The following CTNNA2 variants were observed in gnomAD, a reference collection of about 807,000 sequenced individuals.
CTNNA2 encodes catenin alpha 2.
A neutral mutation model predicts 101.0 loss-of-function variants in CTNNA2; 42 were observed. That is an observed-to-expected ratio of 0.42 (90% CI 0.32 to 0.54). The LOEUF is 0.54. Among genes scored for constraint, CTNNA2 ranks in the 20% least tolerant of loss-of-function variants. CTNNA2 has a pLI of 0.14. For missense variants in CTNNA2, 871 were observed against 1,223.1 expected (o/e 0.71, Z 4.29); for synonymous variants, 450 against 456.4 (o/e 0.99, Z 0.18).
At chr2:79,294,681 G>T (rs1467179950) in intron 2 of CTNNA2, among the ~76,000 whole-genome samples, 1 of 151,980 alleles carries the variant, frequency 6.6e-6, no homozygotes, top group East Asian at 1.9e-4. Context: ...TTTGAATTTT[G>T]CATAATATTT....
chr2:79,739,646 C>G (rs1474309073), intron 2 of CTNNA2, among the ~76,000 whole-genome samples: 4 of 152,188 alleles, frequency 2.6e-5, no homozygotes, highest in African/African-American at 9.7e-5. Flanking sequence ...CCATTTCTTA[C>G]AAGACTGCCA....
At chr2:79,617,739 A>G (rs992432092) in intron 1 of CTNNA2, among the ~76,000 whole-genome samples, 10 of 152,134 alleles carry the variant, frequency 6.6e-5, no homozygotes, top group African/African-American at 2.4e-4. Context: ...GGCTTTTCCT[A>G]TTCGTTAATG....
At chr2:79,655,954 A>G (rs1681586290) in intron 2 of CTNNA2, among the ~76,000 whole-genome samples, 1 of 152,194 alleles carries the variant, frequency 6.6e-6, no homozygotes, top group African/African-American at 2.4e-5. Context: ...TGGCTAATTC[A>G]TATTTGTTCA....
chr2:79,223,514 T>G (rs1295954816), intron 2 of CTNNA2, among the ~76,000 whole-genome samples: 1 of 152,186 alleles, frequency 6.6e-6, no homozygotes, highest in Non-Finnish European at 1.5e-5. Flanking sequence ...GACGAAGTAG[T>G]TACTGAGCAT....
At chr2:80,249,294 G>T (rs189726384) in intron 7 of CTNNA2, among the ~76,000 whole-genome samples, 2 of 152,234 alleles carry the variant, frequency 1.3e-5, no homozygotes, top group East Asian at 3.9e-4. Context: ...CGTCGCATAG[G>T]GCATTCAGGT....
At chr2:80,126,928 G>A (rs1156361057) in intron 7 of CTNNA2, among the ~76,000 whole-genome samples, 2 of 152,212 alleles carry the variant, frequency 1.3e-5, no homozygotes, top group African/African-American at 2.4e-5. Context: ...AGGAGGAGGT[G>A]TAGGAATGGG....
At chr2:80,270,445 A>G (rs905446166) in intron 7 of CTNNA2, among the ~76,000 whole-genome samples, 1 of 152,172 alleles carries the variant, frequency 6.6e-6, no homozygotes, top group African/African-American at 2.4e-5. Flanking sequence ...CAGGGAACTC[A>G]TTGTCTTAAG....
At chr2:80,399,466 C>G (rs898165434) in intron 8 of CTNNA2, among the ~76,000 whole-genome samples, 1 of 152,134 alleles carries the variant, frequency 6.6e-6, no homozygotes, top group Admixed American at 6.5e-5. Context: ...CTAGATCACA[C>G]AAAGGAGCAA....
chr2:80,449,270 GACC>G (rs1306615430), intron 9 of CTNNA2, among the ~76,000 whole-genome samples: 1 of 151,700 alleles, frequency 6.6e-6, no homozygotes, highest in African/African-American at 2.4e-5. Context: ...GACAGAGCAA[GACC>G]CTGGTCTCTA....
chr2:80,354,453 CT>C (rs1673592266), intron 7 of CTNNA2, among the ~76,000 whole-genome samples: 1 of 152,110 alleles, frequency 6.6e-6, no homozygotes, highest in Non-Finnish European at 1.5e-5. Context: ...TCCATTTTCC[CT>C]CTTGCAAACA....
At chr2:79,219,481 A>G (rs561107970) in intron 2 of CTNNA2, among the ~76,000 whole-genome samples, 3 of 152,326 alleles carry the variant, frequency 2.0e-5, no homozygotes, top group African/African-American at 7.2e-5. Flanking sequence ...ATAAATTTAA[A>G]TTTAAATAGC....
intron 3 of CTNNA2, among the ~76,000 whole-genome samples, chr2:79,820,847 A>G (rs755856358): frequency 6.6e-6 from 1 of 152,150 alleles, no homozygotes; most frequent in Admixed American, 6.5e-5. Context: ...TATTTACCTC[A>G]TCTTTCTTTT....
intron 2 of CTNNA2, among the ~76,000 whole-genome samples, chr2:79,696,256 C>T (rs1684647676): frequency 6.6e-6 from 1 of 152,016 alleles, no homozygotes; most frequent in Admixed American, 6.6e-5. Flanking sequence ...AAAACATAAG[C>T]ATTCTGTTAA....
intron 4 of CTNNA2, among the ~76,000 whole-genome samples, chr2:79,434,295 C>CAA (rs367927495): frequency 0.041 from 3,957 of 95,366 alleles, 86 homozygotes; most frequent in Non-Finnish European, 0.063. Flanking sequence ...GAGACTCTGT[C>CAA]AAAAAAAAAA....
intron 3 of CTNNA2, among the ~76,000 whole-genome samples, chr2:79,368,223 CT>C (rs1677792741): frequency 6.6e-6 from 1 of 152,324 alleles, no homozygotes; most frequent in South Asian, 2.1e-4. Flanking sequence ...CGTAAGACTC[CT>C]TTTGACAAAT....
intron 3 of CTNNA2, among the ~76,000 whole-genome samples, chr2:79,854,222 C>A (rs1487583654): frequency 1.3e-5 from 2 of 152,128 alleles, no homozygotes; most frequent in African/African-American, 4.8e-5. Flanking sequence ...TGAAACCAAC[C>A]AAAATATACA....
At chr2:80,226,605 A>C (rs562429140) in intron 7 of CTNNA2, among the ~76,000 whole-genome samples, 2 of 152,282 alleles carry the variant, frequency 1.3e-5, no homozygotes, top group East Asian at 3.9e-4. Flanking sequence ...TATGCTGTAC[A>C]CAGACAGCCA....
At chr2:79,353,680 T>C (rs1050186281) in intron 3 of CTNNA2, among the ~76,000 whole-genome samples, 6 of 152,208 alleles carry the variant, frequency 3.9e-5, no homozygotes, top group Non-Finnish European at 7.3e-5. Context: ...AAGATTAATA[T>C]TGATACGTAA....
intron 18 of CTNNA2, among the ~76,000 whole-genome samples, chr2:80,635,486 G>A (rs1672776298): frequency 6.6e-6 from 1 of 152,040 alleles, no homozygotes; most frequent in Non-Finnish European, 1.5e-5. Context: ...GAAATTTTAG[G>A]TTAATGTAGT....
Sources: gnomAD v4.1 joint callset for allele counts (sites outside exome capture counted in the v4.1 genomes callset) on GRCh38, gnomAD v4.1.1 for gene constraint, MANE v1.5 for transcripts, NCBI Gene and HGNC (gene_info 2026-07-23, HGNC 2026-07-21) for gene names.